The following MRPL3 variants were observed in gnomAD, a reference collection of about 807,000 sequenced individuals.
MRPL3 encodes large ribosomal subunit protein uL3m.
A neutral mutation model predicts 44.3 loss-of-function variants in MRPL3; 43 were observed. The observed-to-expected ratio is 0.97, with a 90% CI of 0.76 to 1.25. MRPL3 has a LOEUF of 1.25. MRPL3 is among the 50% of genes most tolerant of loss of function. The pLI is 0.00. For synonymous variants in MRPL3, 171 were observed against 152.3 expected (o/e 1.12, Z -0.91); for missense variants, 406 against 427.6 (o/e 0.95, Z 0.45).
intron 6 of MRPL3, among the ~76,000 whole-genome samples, chr3:131,472,061 G>A (rs181953493): frequency 1.3e-5 from 2 of 152,206 alleles, no homozygotes; most frequent in South Asian, 2.1e-4. Flanking sequence ...GAGGCATCCA[G>A]GTAAGTTACA....
Position 131,462,509 on chromosome 3 carries a change from G to A in MRPL3, c.*214C>T. 2.6e-6 allele frequency: 1 copy of A among 386,272 alleles called. No homozygotes were observed. 23.9% of individuals were successfully genotyped at this position (386,272 alleles called of 1,614,324 possible). A position where few individuals can be genotyped will look rare whatever the true frequency, so the allele number is the denominator to read the frequency against. On this transcript the variant is annotated 3_prime_UTR_variant, in exon 10 of 10. Coordinates refer to ENST00000264995, the MANE Select transcript of MRPL3 (RefSeq NM_007208.4). ...GCTAATATGCCCAACACCAATTTCA[G>A]CAAATCCAATCTACTTAACTCATAT...
chr3:131,471,982 A>C (rs530370587), intron 6 of MRPL3, among the ~76,000 whole-genome samples: 1 of 152,172 alleles, frequency 6.6e-6, no homozygotes, highest in Non-Finnish European at 1.5e-5. Flanking sequence ...ATTCTCCCCA[A>C]TTAGAACCTT....
At chr3:131,476,462 T>C (rs1295134608) in intron 6 of MRPL3, among the ~76,000 whole-genome samples, 1 of 152,172 alleles carries the variant, frequency 6.6e-6, no homozygotes, top group Non-Finnish European at 1.5e-5. Context: ...CCACAGGTCA[T>C]ATAAAATAAA....
chr3:131,486,443 A>ATT (rs1179743375), intron 6 of MRPL3, among the ~76,000 whole-genome samples: 1 of 147,964 alleles, frequency 6.8e-6, no homozygotes, highest in African/African-American at 2.5e-5. Flanking sequence ...ATGGGAGAAA[A>ATT]ATTTTTTTTT....
In MRPL3 at chr3:131,487,640, T is replaced by C. The variant is rs753593079; in HGVS notation, c.629+40A>G. ...ACTTATTCTATTCTCTTTTAATAGA[T>C]GAAAACAAAAGGAAAAGAGAACTCG... On this transcript the variant is annotated intron_variant, in intron 6 of 9. Coordinates refer to ENST00000264995, the MANE Select transcript of MRPL3 (RefSeq NM_007208.4). 3 of 1,498,082 alleles carry C rather than the reference T, an allele frequency of 2.0e-6. No homozygotes were observed. In the African/African-American group the frequency reaches 4.2e-5, roughly 21 times the overall value. The allele number at this position is 1,498,082 out of a possible 1,614,324, so 92.8% of individuals were successfully genotyped here.
Position 131,462,335 on chromosome 3 carries a change from A to ATAG in MRPL3, c.*385_*387dup, listed in dbSNP as rs1933508994. On this transcript the variant is annotated 3_prime_UTR_variant, in exon 10 of 10. Transcript: ENST00000264995. Reference sequence around the variant, plus strand: ...TTTCTTTACCCAAATAGGTTGCACTATAGTCCCCATATGGTTTTCTACTGT... The same window carrying ATAG: ...TTTCTTTACCCAAATAGGTTGCACTATAGTAGTCCCCATATGGTTTTCTACTGT... 1 of 157,556 alleles carries ATAG rather than the reference A, an allele frequency of 6.3e-6. No homozygotes were observed. The highest frequency in any genetic ancestry group is 6.5e-5 in the Admixed American group (1 of 15,418). 9.8% of individuals were successfully genotyped at this position (157,556 alleles called of 1,614,324 possible).
At chr3:131,469,884 C>T in intron 7 of MRPL3, 111 bp from the exon 8 acceptor site, 3 of 660,410 alleles carry the variant, frequency 4.5e-6, no homozygotes, top group East Asian at 2.9e-5. Context: ...TTTATTTTTC[C>T]CCTATTCTGC....
At chr3:131,467,569 A>G (rs1933639485) in intron 9 of MRPL3, among the ~76,000 whole-genome samples, 1 of 151,806 alleles carries the variant, frequency 6.6e-6, no homozygotes, top group South Asian at 2.1e-4. Context: ...TTCTCACAAG[A>G]TCTTGTTTAA....
chr3:131,479,225 A>G, intron 6 of MRPL3: 1 of 513,976 alleles, frequency 1.9e-6, no homozygotes, highest in Non-Finnish European at 3.9e-6. Context: ...AAGGTCTACG[A>G]GTATGCCCTC....
chr3:131,478,884 A>C (rs1038536460), intron 6 of MRPL3, among the ~76,000 whole-genome samples: 2 of 151,658 alleles, frequency 1.3e-5, no homozygotes, highest in East Asian at 3.9e-4. Flanking sequence ...GTAGAGATGA[A>C]GTTTCGCTAT....
At chr3:131,488,178 G>A (rs1415307648) in intron 5 of MRPL3, among the ~76,000 whole-genome samples, 3 of 152,136 alleles carry the variant, frequency 2.0e-5, no homozygotes, top group Admixed American at 2.0e-4. Flanking sequence ...CTCATATGGT[G>A]TGTAATGATC....
intron 1 of MRPL3, among the ~76,000 whole-genome samples, chr3:131,502,099 C>T (rs1273809256): frequency 6.6e-6 from 1 of 152,170 alleles, no homozygotes; most frequent in African/African-American, 2.4e-5. Flanking sequence ...TCACCTCCTC[C>T]CTGCAATGAC....
chr3:131,476,168 A>G (rs962321555), intron 6 of MRPL3, among the ~76,000 whole-genome samples: 2 of 152,248 alleles, frequency 1.3e-5, no homozygotes, highest in African/African-American at 4.8e-5. Flanking sequence ...GGCTAATTAC[A>G]GATTGCTTTT....
chr3:131,470,499 T>C (rs867078444), intron 7 of MRPL3, among the ~76,000 whole-genome samples: 2 of 152,160 alleles, frequency 1.3e-5, no homozygotes, highest in Non-Finnish European at 2.9e-5. Flanking sequence ...ATATGTTTAA[T>C]ATGTAACCAA....
Position 131,462,798 on chromosome 3 carries a change from A to G in MRPL3, c.972T>C (p.Asp324=). 6.2e-7 allele frequency: 1 copy of G among 1,613,254 alleles called. No homozygotes were observed. Among genetic ancestry groups the G allele is most frequent in the South Asian group, 1.1e-5 (1 of 90,988 alleles). Residue 324 remains aspartate (D), a synonymous_variant, in exon 10 of 10, where the codon GAT becomes GAC. Coordinates refer to ENST00000264995, the MANE Select transcript of MRPL3 (RefSeq NM_007208.4). Reference sequence around the variant, plus strand: ...ACAAATCTTCTGGCAGTTCCTCTTCATCTCCATCAGGAAAATATGTAGGGA... The same window carrying G: ...ACAAATCTTCTGGCAGTTCCTCTTCGTCTCCATCAGGAAAATATGTAGGGA... The part of the protein sequence containing the change: ...LPFPTYFPDG[D]EEELPEDLYD...
chr3:131,502,463 T>C (rs1364434948), intron 1 of MRPL3, among the ~76,000 whole-genome samples: 1 of 152,234 alleles, frequency 6.6e-6, no homozygotes, highest in East Asian at 1.9e-4. Flanking sequence ...GCAGAGCGCT[T>C]AGTACCTGGC....
chr3:131,487,935 A>G (rs1191175368), intron 5 of MRPL3, among the ~76,000 whole-genome samples, 195 bp from the exon 6 acceptor site: 2 of 152,218 alleles, frequency 1.3e-5, no homozygotes, highest in Non-Finnish European at 2.9e-5. Context: ...AGAGACCAAA[A>G]GTGGTGCTGT....
chr3:131,463,062 C>G (rs1399643441), intron 9 of MRPL3, among the ~76,000 whole-genome samples, 187 bp from the exon 10 acceptor site: 1 of 152,116 alleles, frequency 6.6e-6, no homozygotes, highest in Non-Finnish European at 1.5e-5. Context: ...TTTGACTAAT[C>G]CAGTAACAGA....
intron 2 of MRPL3, among the ~76,000 whole-genome samples, chr3:131,501,032 A>G (rs895109830): frequency 6.6e-6 from 1 of 152,192 alleles, no homozygotes; most frequent in African/African-American, 2.4e-5. Flanking sequence ...ATCCAATTCG[A>G]CTGTCACAAT....
Sources: gnomAD v4.1 joint callset for allele counts (sites outside exome capture counted in the v4.1 genomes callset) on GRCh38, gnomAD v4.1.1 for gene constraint, MANE v1.5 for transcripts, NCBI Gene and HGNC (gene_info 2026-07-23, HGNC 2026-07-21) for gene names.